The following PDGFC variants were observed in gnomAD, a reference collection of about 807,000 sequenced individuals.
PDGFC encodes platelet-derived growth factor C.
In PDGFC, 12 loss-of-function variants were observed where a neutral mutation model predicts 35.5. That is an observed-to-expected ratio of 0.34 (90% CI 0.22 to 0.55). PDGFC has a LOEUF of 0.55. PDGFC is among the 20% of genes least tolerant of loss of function. The pLI, the probability that PDGFC is intolerant of heterozygous loss-of-function variation, is 0.91. For synonymous variants in PDGFC, 159 were observed against 148.8 expected, an observed-to-expected ratio of 1.07 and a Z score of -0.50; for missense variants, 322 against 412.4, an observed-to-expected ratio of 0.78 and a Z score of 1.90.
intron 5 of PDGFC, among the ~76,000 whole-genome samples, chr4:156,765,019 G>GC (rs1341885440): frequency 2.0e-5 from 3 of 152,172 alleles, no homozygotes; most frequent in Non-Finnish European, 4.4e-5. Context: ...TGCAATCCTT[G>GC]CTTCCTCTAG....
At chr4:156,870,230 C>A (rs1174169850) in intron 1 of PDGFC, among the ~76,000 whole-genome samples, 1 of 152,114 alleles carries the variant, frequency 6.6e-6, no homozygotes, top group East Asian at 1.9e-4. Context: ...TCAACTCTTT[C>A]TATATATTTA....
In PDGFC at chr4:156,836,503, A is replaced by T. The variant is rs187857873; in HGVS notation, c.314+13718T>A. ...AAACCCTTATTCTTTTTTCTTTCCA[A>T]AAGTTTTGGTTAATGATAATACTTG... On this transcript the variant is annotated intron_variant, in intron 2 of 5. Transcript: ENST00000502773. Among the ~76,000 whole-genome samples the T allele has an allele frequency of 7.9e-5, 12 of 152,258 alleles. No homozygotes were observed. In the East Asian group the frequency reaches 1.9e-3, roughly 25 times the overall value.
At chr4:156,885,339 A>G (rs1169354199) in intron 1 of PDGFC, among the ~76,000 whole-genome samples, 1 of 152,184 alleles carries the variant, frequency 6.6e-6, no homozygotes, top group African/African-American at 2.4e-5. Context: ...CATTACATCA[A>G]TGGCCTAAAA....
At chr4:156,872,457 G>A (rs1297543415) in intron 1 of PDGFC, among the ~76,000 whole-genome samples, 1 of 152,190 alleles carries the variant, frequency 6.6e-6, no homozygotes, top group African/African-American at 2.4e-5. Context: ...AGGCTTCAAA[G>A]TGCCAGAGTC....
At chr4:156,965,792 C>G (rs1732451737) in intron 1 of PDGFC, among the ~76,000 whole-genome samples, 1 of 152,070 alleles carries the variant, frequency 6.6e-6, no homozygotes, top group South Asian at 2.1e-4. Flanking sequence ...TGGGTCAGGC[C>G]TGAGCTGCCA....
At chr4:156,794,668 G>C (rs1731392639) in intron 3 of PDGFC, among the ~76,000 whole-genome samples, 1 of 151,784 alleles carries the variant, frequency 6.6e-6, no homozygotes, top group Non-Finnish European at 1.5e-5. Flanking sequence ...TTCTATTAAA[G>C]GGTATCATTC....
chr4:156,824,933 G>A lies in PDGFC; in HGVS notation c.315-13916C>T, dbSNP rs189106930. ...GCTGTCTGTAGAGCATATATAGAGT[G>A]AGTCACTATTAAATCAGTCATAATT... On this transcript the variant is annotated intron_variant, in intron 2 of 5. Coordinates refer to ENST00000502773, the MANE Select transcript of PDGFC (RefSeq NM_016205.3). Among the ~76,000 whole-genome samples, 14 of 152,250 alleles carry A rather than the reference G, an allele frequency of 9.2e-5. No homozygotes were observed. The East Asian group carries it at 1.9e-3, about 21-fold the overall frequency.
intron 1 of PDGFC, among the ~76,000 whole-genome samples, chr4:156,949,884 T>C (rs1471127187): frequency 6.6e-6 from 1 of 151,926 alleles, no homozygotes; most frequent in Admixed American, 6.6e-5. Context: ...TTGGGTCACA[T>C]ATATTTGTAA....
At chr4:156,952,344 T>C (rs1732103932) in intron 1 of PDGFC, among the ~76,000 whole-genome samples, 1 of 151,884 alleles carries the variant, frequency 6.6e-6, no homozygotes, top group East Asian at 1.9e-4. Flanking sequence ...GTAATACTTA[T>C]TTGTTGTTAT....
intron 3 of PDGFC, among the ~76,000 whole-genome samples, chr4:156,798,748 C>T (rs1280944719): frequency 6.6e-6 from 1 of 152,164 alleles, no homozygotes; most frequent in Non-Finnish European, 1.5e-5. Flanking sequence ...CTCTGTCTCT[C>T]TAACAATTCA....
intron 1 of PDGFC, among the ~76,000 whole-genome samples, chr4:156,865,421 C>T (rs1403531682): frequency 6.6e-6 from 1 of 151,934 alleles, no homozygotes; most frequent in Non-Finnish European, 1.5e-5. Flanking sequence ...AGCTTTTTAT[C>T]AGAAAATGTA....
At chr4:156,829,018 T>C (rs1728862630) in intron 2 of PDGFC, among the ~76,000 whole-genome samples, 1 of 152,184 alleles carries the variant, frequency 6.6e-6, no homozygotes, top group South Asian at 2.1e-4. Flanking sequence ...GACATTAATA[T>C]TTTCTGAAAC....
chr4:156,838,054 T>G (rs980986080), intron 2 of PDGFC, among the ~76,000 whole-genome samples: 4 of 152,116 alleles, frequency 2.6e-5, no homozygotes, highest in Non-Finnish European at 4.4e-5. Context: ...CTGGGCTAAC[T>G]ACATTCAAAA....
chr4:156,824,313 TATATATATATATATAC>T (rs1469429023), intron 2 of PDGFC, among the ~76,000 whole-genome samples: 6 of 45,248 alleles, frequency 1.3e-4, no homozygotes, highest in African/African-American at 4.5e-4. Context: ...TATATATATA[TATATATATATATATAC>T]ACACACACAC....
intron 2 of PDGFC, among the ~76,000 whole-genome samples, chr4:156,815,357 CA>C (rs1732057204): frequency 2.0e-5 from 3 of 151,154 alleles, no homozygotes; most frequent in East Asian, 1.9e-4. Flanking sequence ...CACACACACA[CA>C]CACACACACC....
chr4:156,850,758 T>C (rs903104742), intron 1 of PDGFC, among the ~76,000 whole-genome samples: 1 of 152,072 alleles, frequency 6.6e-6, no homozygotes, highest in African/African-American at 2.4e-5. Context: ...ATATGAGACA[T>C]TTTAGAATAA....
Position 156,866,107 on chromosome 4 carries a change from T to G in PDGFC, c.119-15691A>C, listed in dbSNP as rs542628064. On this transcript the variant is annotated intron_variant, in intron 1 of 5. Transcript: ENST00000502773. Reference sequence around the variant, plus strand: ...ATCTCCTAAGGCTATCCCTCTCCACTGCCCCCACCCGAGGACAGTCCCCAG... The same window carrying G: ...ATCTCCTAAGGCTATCCCTCTCCACGGCCCCCACCCGAGGACAGTCCCCAG... Among the ~76,000 whole-genome samples, 22 of 152,282 alleles carry G rather than the reference T, an allele frequency of 1.4e-4. No homozygotes were observed. In the South Asian group the frequency reaches 3.5e-3, roughly 24 times the overall value.
chr4:156,786,556 G>T (rs976275544), intron 3 of PDGFC, among the ~76,000 whole-genome samples: 5 of 152,108 alleles, frequency 3.3e-5, no homozygotes, highest in Admixed American at 6.5e-5. Flanking sequence ...AGGAGGGGAC[G>T]CTGTGGCTGG....
rs35714916 is a variant in PDGFC at position 156,818,516 on chromosome 4, G to GTTTTT, written c.315-7504_315-7500dup. Reference sequence around the variant, plus strand: ...TCACTAAGTGTCATTCTTTCTAGCTGTTTTTTTTTTTTTTTTTTTTTTGAG... The same window carrying GTTTTT: ...TCACTAAGTGTCATTCTTTCTAGCTGTTTTTTTTTTTTTTTTTTTTTTTTTTTGAG... On this transcript the variant is annotated intron_variant, in intron 2 of 5. Coordinates refer to ENST00000502773, the MANE Select transcript of PDGFC (RefSeq NM_016205.3). Among the ~76,000 whole-genome samples the GTTTTT allele has an allele frequency of 1.4e-3, 140 of 98,888 alleles. 1 individual carries two copies. The highest frequency in any genetic ancestry group is 1.6e-3 in the Non-Finnish European group (84 of 52,868). 64.9% of individuals were successfully genotyped at this position (98,888 alleles called of 152,430 possible).
Sources: allele counts gnomAD v4.1 joint callset (sites outside exome capture counted in the v4.1 genomes callset), GRCh38; gene constraint gnomAD v4.1.1; transcripts MANE v1.5; gene names NCBI Gene and HGNC (gene_info 2026-07-23, HGNC 2026-07-21).